The following ADAM10 variants were observed in gnomAD, a reference collection of about 807,000 sequenced individuals.
ADAM10 encodes the protein ADAM metallopeptidase domain 10, also known as disintegrin and metalloproteinase domain-containing protein 10.
ADAM10 carries 17 observed loss-of-function variants against 90.1 expected under a neutral mutation model. That is an observed-to-expected ratio of 0.19 (90% CI 0.13 to 0.28). The LOEUF is 0.28. Ranked by LOEUF, ADAM10 falls within the 10% of genes least tolerant of loss-of-function variation. ADAM10 has a pLI of 1.00. For synonymous variants in ADAM10, 310 were observed against 298.6 expected (o/e 1.04, Z -0.40); for missense variants, 610 against 914.3 (o/e 0.67, Z 4.29).
intron 5 of ADAM10, chr15:58,655,182 T>C (rs1896778220): frequency 6.6e-6 from 1 of 152,216 alleles, no homozygotes; most frequent in African/African-American, 2.4e-5. Context: ...TGTTCCAGTG[T>C]TGGGTGCATA....
intron 1 of ADAM10, among the ~76,000 whole-genome samples, chr15:58,739,347 A>T (rs1899529247): frequency 1.3e-5 from 2 of 150,366 alleles, no homozygotes; most frequent in Non-Finnish European, 3.0e-5. Context: ...TCTACCAAAA[A>T]TACAAAAAAA....
rs35731698 is a variant in ADAM10 at position 58,640,828 on chromosome 15, G to T, written c.961C>A (p.Arg321=). 1,238 of 1,614,018 alleles carry T rather than the reference G, an allele frequency of 7.7e-4. 15 individuals carry two copies. In the African/African-American group the frequency reaches 0.014, roughly 19 times the overall value. ...DYCLAYVFTD[R]DFDDGVLGLA... is the part of the protein sequence containing the mutation. ...CCAAGTACGCCATCATCAAAATCTC[G>T]GTCTGTGAAGACATAGGCCAAACAG... Residue 321 remains arginine (R), a synonymous_variant, in exon 8 of 16, where the codon CGA becomes AGA. Coordinates refer to ENST00000260408, the MANE Select transcript of ADAM10 (RefSeq NM_001110.4).
rs73426513 is a variant in ADAM10 at position 58,628,574 on chromosome 15, A to G, written c.1177-691T>C. On this transcript the variant is annotated intron_variant, in intron 9 of 15. Coordinates refer to ENST00000260408, the MANE Select transcript of ADAM10 (RefSeq NM_001110.4). Reference sequence around the variant, plus strand: ...TATTGAAGAGTCAGATACATACAGCATAGCTCCCTGAATTTTCTCAAAGTA... The same window carrying G: ...TATTGAAGAGTCAGATACATACAGCGTAGCTCCCTGAATTTTCTCAAAGTA... 4.0e-3 allele frequency among the ~76,000 whole-genome samples: 614 copies of G among 152,314 alleles called. 4 individuals are homozygous for G. The highest frequency in any genetic ancestry group is 0.014 in the African/African-American group (590 of 41,556).
intron 9 of ADAM10, among the ~76,000 whole-genome samples, chr15:58,632,905 T>C (rs750501224): frequency 4.7e-4 from 71 of 152,248 alleles, no homozygotes; most frequent in Admixed American, 1.2e-3. Flanking sequence ...GAGTACATTA[T>C]GTACTAGGCA....
intron 11 of ADAM10, among the ~76,000 whole-genome samples, chr15:58,617,751 T>C (rs905974430): frequency 6.6e-6 from 1 of 152,088 alleles, no homozygotes; most frequent in Non-Finnish European, 1.5e-5. Flanking sequence ...ACCAGTTGTG[T>C]TTCTATATAC....
intron 9 of ADAM10, among the ~76,000 whole-genome samples, chr15:58,631,128 G>C (rs964713758): frequency 3.3e-5 from 5 of 152,130 alleles, no homozygotes; most frequent in African/African-American, 4.8e-5. Flanking sequence ...TCCATCATAA[G>C]TGGAAGCAGC....
intron 5 of ADAM10, among the ~76,000 whole-genome samples, chr15:58,652,907 GTT>G (rs1312048024): frequency 2.0e-5 from 3 of 152,012 alleles, no homozygotes; most frequent in African/African-American, 7.2e-5. Context: ...CTTTCACAGT[GTT>G]TTATACTTTT....
intron 2 of ADAM10, among the ~76,000 whole-genome samples, chr15:58,701,022 C>CAAAA (rs386383146): frequency 4.2e-5 from 3 of 70,916 alleles, no homozygotes; most frequent in Non-Finnish European, 1.2e-4. Flanking sequence ...AACAAAAAAA[C>CAAAA]AAAAAAAAAA....
intron 2 of ADAM10, chr15:58,686,266 A>G: frequency 3.5e-6 from 2 of 579,026 alleles, no homozygotes; most frequent in Non-Finnish European, 6.1e-6. Context: ...CACAGAAGAC[A>G]GACTTTGTTG....
intron 4 of ADAM10, among the ~76,000 whole-genome samples, chr15:58,666,488 C>A (rs1230408408): frequency 9.2e-5 from 14 of 151,832 alleles, no homozygotes; most frequent in African/African-American, 3.1e-4. Context: ...CTAGTTAACA[C>A]CAGGCAGTCC....
intron 2 of ADAM10, among the ~76,000 whole-genome samples, chr15:58,697,256 C>A (rs1203730828): frequency 6.6e-6 from 1 of 152,156 alleles, no homozygotes; most frequent in Non-Finnish European, 1.5e-5. Context: ...ACTACCCTGC[C>A]CACAGCTGCC....
intron 11 of ADAM10, among the ~76,000 whole-genome samples, chr15:58,613,966 A>G (rs1321640676): frequency 6.6e-6 from 1 of 152,180 alleles, no homozygotes; most frequent in Non-Finnish European, 1.5e-5. Flanking sequence ...CAATCAATCA[A>G]TCACTTAAAA....
chr15:58,640,997 G>T (rs746019549), intron 7 of ADAM10, 37 bp from the exon 8 acceptor site: 18 of 1,572,756 alleles, frequency 1.1e-5, no homozygotes, highest in Non-Finnish European at 1.6e-5. Flanking sequence ...AGTAATTAAT[G>T]TTAGCAGAGC....
chr15:58,591,431 CTTTT>C lies in ADAM10; in HGVS notation c.*6112_*6115del, dbSNP rs139579969. The C allele has an allele frequency of 1.3e-5, 2 of 148,154 alleles. No individual in the cohort carries two copies. The highest frequency in any genetic ancestry group is 2.2e-4 in the South Asian group (1 of 4,642). 9.2% of individuals were successfully genotyped at this position (148,154 alleles called of 1,614,324 possible). On this transcript the variant is annotated 3_prime_UTR_variant, in exon 16 of 16. Coordinates refer to ENST00000260408, the MANE Select transcript of ADAM10 (RefSeq NM_001110.4). Reference sequence around the variant, plus strand: ...AGGAATTTGATTCACATTTAAAACACTTTTTTTTTTTCTTTGAGATGGAGTCTCA... The same window carrying C: ...AGGAATTTGATTCACATTTAAAACACTTTTTTTCTTTGAGATGGAGTCTCA...
At chr15:58,745,773 T>A (rs1899771702) in intron 1 of ADAM10, among the ~76,000 whole-genome samples, 1 of 152,048 alleles carries the variant, frequency 6.6e-6, no homozygotes, top group Non-Finnish European at 1.5e-5. Context: ...AGGTGTATCA[T>A]TAGGAATGAT....
chr15:58,646,176 C>A lies in ADAM10; in HGVS notation c.614G>T (p.Gly205Val), dbSNP rs760198082. Residue 205 changes from glycine to valine, a missense_variant, in exon 6 of 16, where the codon GGT (glycine) becomes GTT (valine). Gly to Val is a moderately radical substitution (Grantham distance 109). Transcript: ENST00000260408. Reference protein sequence around the residue: ...QIPQEEHAANGPELLRKKRTT... With the variant: ...QIPQEEHAANVPELLRKKRTT... ...ACGTTTTTTCCTCAGAAGTTCTGGA[C>A]CATTAGCAGCATGTTCTTCTTGAGG... 2 of 1,613,202 alleles carry A rather than the reference C, an allele frequency of 1.2e-6. No homozygotes were observed.
intron 7 of ADAM10, among the ~76,000 whole-genome samples, chr15:58,641,827 T>C (rs548567721): frequency 2.6e-4 from 40 of 152,256 alleles, no homozygotes; most frequent in African/African-American, 9.1e-4. Context: ...CCTCAGTCTG[T>C]TTGAAAATGT....
intron 1 of ADAM10, among the ~76,000 whole-genome samples, chr15:58,742,588 C>T (rs537057599): frequency 6.6e-6 from 1 of 152,348 alleles, no homozygotes; most frequent in South Asian, 2.1e-4. Flanking sequence ...TGCAAACTAG[C>T]TGGGTCAGGC....
Position 58,627,751 on chromosome 15 carries a change from T to C in ADAM10, c.1309A>G (p.Ile437Val). Residue 437 changes from isoleucine (I) to valine (V), a missense_variant, in exon 10 of 16, where the codon ATT becomes GTT. Coordinates refer to ENST00000260408, the MANE Select transcript of ADAM10 (RefSeq NM_001110.4). ...TCAAGAACTTGGCTTATATTTCTAA[T>C]ACTACAGAGTGAGAATTTATTGTTG... ...LNNNKFSLCSIRNISQVLEKK... is the reference protein window; with the variant it reads ...LNNNKFSLCSVRNISQVLEKK... The C allele has an allele frequency of 6.2e-7, 1 of 1,613,528 alleles. No individual in the cohort carries two copies. Among genetic ancestry groups the C allele is most frequent in the Non-Finnish European group, 8.5e-7 (1 of 1,179,600 alleles).
Sources: allele counts gnomAD v4.1 joint callset (sites outside exome capture counted in the v4.1 genomes callset), GRCh38; gene constraint gnomAD v4.1.1; transcripts MANE v1.5; gene names NCBI Gene and HGNC (gene_info 2026-07-23, HGNC 2026-07-21).